CLEC17A: variants seen among roughly 807,000 people sequenced by gnomAD.
CLEC17A encodes the protein C-type lectin domain containing 17A.
A neutral mutation model predicts 61.3 loss-of-function variants in CLEC17A; 37 were observed. That is an observed-to-expected ratio of 0.60 (90% CI 0.46 to 0.79). The LOEUF is 0.79. CLEC17A is among the 30% of genes least tolerant of loss of function. The pLI is 0.00. For synonymous variants in CLEC17A, 168 were observed against 164.9 expected, an observed-to-expected ratio of 1.02 and a Z score of -0.14; for missense variants, 418 against 464.7, an observed-to-expected ratio of 0.90 and a Z score of 0.92.
chr19:14,594,595 C>G (rs774828809), intron 5 of CLEC17A, 37 bp from the exon 6 acceptor site: 1 of 1,613,750 alleles, frequency 6.2e-7, no homozygotes, highest in South Asian at 1.1e-5. Flanking sequence ...TGGCTTTGCC[C>G]TGCTCTGGCC....
intron 3 of CLEC17A, among the ~76,000 whole-genome samples, chr19:14,591,242 C>T (rs371943558): frequency 3.3e-5 from 5 of 151,302 alleles, no homozygotes; most frequent in East Asian, 1.9e-4. Context: ...GCAAGCTCCG[C>T]CTCCCAGGTT....
chr19:14,595,350 TA>T (rs1166182349), intron 8 of CLEC17A, 35 bp downstream of exon 8: 1 of 1,611,402 alleles, frequency 6.2e-7, no homozygotes, highest in Admixed American at 1.7e-5. Flanking sequence ...TGACAGTGGC[TA>T]GTGTATCTGA....
Position 14,599,829 on chromosome 19 carries a change from G to A in CLEC17A, c.742+17G>A, listed in dbSNP as rs764900977. The A allele has an allele frequency of 5.0e-6, 8 of 1,602,690 alleles. No individual in the cohort carries two copies. In the South Asian group the frequency reaches 8.9e-5, roughly 18 times the overall value. On this transcript the variant is annotated intron_variant, in intron 11 of 13. Transcript: ENST00000417570. ...GCTTATTAGGTAAGTGAGACTTGGG[G>A]AATTGCCCAGGGATGGGGGGCATGG...
At chr19:14,596,671 A>G (rs986680454) in intron 8 of CLEC17A, among the ~76,000 whole-genome samples, 1 of 152,076 alleles carries the variant, frequency 6.6e-6, no homozygotes, top group African/African-American at 2.4e-5. Flanking sequence ...ATGCAACATG[A>G]TGCTTAGCGC....
At chr19:14,597,187 T>C (rs2074572477) in intron 10 of CLEC17A, 26 bp downstream of exon 10, 3 of 1,588,464 alleles carry the variant, frequency 1.9e-6, no homozygotes, top group Non-Finnish European at 2.6e-6. Context: ...CATTCCTTCA[T>C]GCCACTCCTA....
chr19:14,593,718 T>G (rs2074476821), intron 4 of CLEC17A, among the ~76,000 whole-genome samples: 1 of 151,788 alleles, frequency 6.6e-6, no homozygotes, highest in South Asian at 2.1e-4. Flanking sequence ...CCCAGCACTT[T>G]GGGAGGCTGA....
At chr19:14,606,826 A>T (rs924580087) in intron 12 of CLEC17A, among the ~76,000 whole-genome samples, 167 bp from the exon 13 acceptor site, 4 of 152,146 alleles carry the variant, frequency 2.6e-5, no homozygotes, top group Non-Finnish European at 5.9e-5. Context: ...CACACATGCT[A>T]CAGTGGGAGG....
chr19:14,582,407 T>G (rs1234068221), upstream of CLEC17A, among the ~76,000 whole-genome samples: 2 of 151,382 alleles, frequency 1.3e-5, no homozygotes, highest in African/African-American at 4.9e-5. Flanking sequence ...GGAGACGGAG[T>G]TTCACTGTGT....
intron 2 of CLEC17A, among the ~76,000 whole-genome samples, chr19:14,587,025 A>T (rs1460033579): frequency 1.1e-4 from 17 of 151,398 alleles, no homozygotes; most frequent in Non-Finnish European, 4.4e-5. Flanking sequence ...AGTAGCTGGG[A>T]TTACAGGCAG....
intron 1 of CLEC17A, 60 bp from the exon 2 acceptor site, chr19:14,583,297 G>A: frequency 6.2e-7 from 1 of 1,611,564 alleles, no homozygotes. Context: ...CAGAGACCAG[G>A]GCTTGAGGGA....
chr19:14,592,336 C>CAAGG lies in CLEC17A; in HGVS notation c.257_260dup (p.Asp87GlufsTer54), dbSNP rs2074440400. ...ACTATGAGAACTCAACACCTCCCTA[C>CAAGG]AAGGACCTTCCTCCCAAGCCAGGTA... On this transcript the variant is annotated frameshift_variant, in exon 4 of 14. Transcript: ENST00000417570. LOFTEE classifies it high-confidence loss of function. The CAAGG allele has an allele frequency of 6.2e-7, 1 of 1,604,778 alleles. No individual in the cohort carries two copies. Among genetic ancestry groups the CAAGG allele is most frequent in the Non-Finnish European group, 8.5e-7 (1 of 1,175,634 alleles).
chr19:14,584,318 A>G (rs920602153), intron 2 of CLEC17A: 15 of 152,098 alleles, frequency 9.9e-5, no homozygotes, highest in Non-Finnish European at 1.3e-4. Flanking sequence ...CGACACCCCC[A>G]AGCTGATCAG....
At position 14,610,366 on chromosome 19, in the gene CLEC17A, C is replaced by T. The variant is rs1028741071; in HGVS notation, c.*170C>T. On this transcript the variant is annotated 3_prime_UTR_variant, in exon 14 of 14. Coordinates refer to ENST00000417570, the MANE Select transcript of CLEC17A (RefSeq NM_001204118.2). ...CCCAGGGGTGCAAGTCAGGCTGTTT[C>T]TAGAGTGAGGACTTGGGCTTGCCCT... 4.4e-6 allele frequency: 4 copies of T among 899,976 alleles called. No individual in the cohort carries two copies. The East Asian group carries it at 8.1e-5, about 18-fold the overall frequency. The allele number at this position is 899,976 out of a possible 1,614,324, so 55.7% of individuals were successfully genotyped here.
At chr19:14,603,178 C>T (rs2074766362) in intron 12 of CLEC17A, among the ~76,000 whole-genome samples, 2 of 152,142 alleles carry the variant, frequency 1.3e-5, no homozygotes, top group African/African-American at 4.8e-5. Context: ...TCTCATTCTG[C>T]TAGAATGGTG....
intron 4 of CLEC17A, among the ~76,000 whole-genome samples, 190 bp downstream of exon 4, chr19:14,592,548 G>A (rs987177036): frequency 2.0e-5 from 3 of 152,122 alleles, no homozygotes; most frequent in African/African-American, 7.2e-5. Flanking sequence ...ACACAGCCTT[G>A]GTGAGCAGGG....
At chr19:14,607,365 G>A (rs1411176376) in intron 13 of CLEC17A, among the ~76,000 whole-genome samples, 2 of 126,126 alleles carry the variant, frequency 1.6e-5, no homozygotes, top group Non-Finnish European at 3.8e-5. Flanking sequence ...CACCATGCCC[G>A]GCTAATTTTT....
At chr19:14,593,129 A>G (rs1427591278) in intron 4 of CLEC17A, among the ~76,000 whole-genome samples, 1 of 152,096 alleles carries the variant, frequency 6.6e-6, no homozygotes, top group African/African-American at 2.4e-5. Context: ...TTGAATCTCA[A>G]TAAACCCAAG....
intron 13 of CLEC17A, among the ~76,000 whole-genome samples, chr19:14,607,550 A>ATAATTTAT (rs1555750031): frequency 2.1e-5 from 3 of 141,402 alleles, no homozygotes; most frequent in Non-Finnish European, 4.6e-5. Context: ...ATTTTATTTT[A>ATAATTTAT]TTATTTATTT....
At position 14,594,781 on chromosome 19, in the gene CLEC17A, C is replaced by G. The variant is rs773427024; in HGVS notation, c.384C>G (p.Thr128=). The change falls in exon 7 of 14, where the codon ACC becomes ACG. Residue 128 remains threonine (T), a synonymous_variant. Transcript: ENST00000417570. ...TAGGCCTGGACCTCGCCGCTGTCAC[C>G]TGTCCACCTCCTCAACTGGGTGAGC... ...NMTGLDLAAV[T]CPPPQLAVNL... 1 of 1,613,750 alleles carries G rather than the reference C, an allele frequency of 6.2e-7. No homozygotes were observed. Among genetic ancestry groups the G allele is most frequent in the African/African-American group, 1.3e-5 (1 of 74,922 alleles).
Sources: gnomAD v4.1 joint callset for allele counts (sites outside exome capture counted in the v4.1 genomes callset) on GRCh38, gnomAD v4.1.1 for gene constraint, MANE v1.5 for transcripts, NCBI Gene and HGNC (gene_info 2026-07-23, HGNC 2026-07-21) for gene names.